EXD1: variants seen among roughly 807,000 people sequenced by gnomAD.
EXD1 encodes the protein piRNA biogenesis protein EXD1.
EXD1 carries 63 observed loss-of-function variants against 49.1 expected under a neutral mutation model. The ratio of observed to expected loss-of-function variants is 1.28; its 90% CI spans 1.05 to 1.58. The LOEUF is 1.58. Among genes scored for constraint, EXD1 ranks in the 40% most tolerant of loss-of-function variants. EXD1 has a pLI of 0.00. For missense variants in EXD1, 748 were observed against 666.0 expected, an observed-to-expected ratio of 1.12 and a Z score of -1.36; for synonymous variants, 234 against 239.2, an observed-to-expected ratio of 0.98 and a Z score of 0.20.
intron 7 of EXD1, among the ~76,000 whole-genome samples, chr15:41,207,174 G>C (rs1167754356): frequency 6.6e-6 from 1 of 151,656 alleles, no homozygotes; most frequent in African/African-American, 2.4e-5. Context: ...CTAGGAGGCA[G>C]AGGTTGCAGT....
chr15:41,204,651 A>G (rs908553147), intron 7 of EXD1, among the ~76,000 whole-genome samples: 36 of 152,078 alleles, frequency 2.4e-4, no homozygotes, highest in African/African-American at 8.7e-4. Flanking sequence ...GGATCTCTTG[A>G]GCCCGGGAGT....
chr15:41,223,095 G>A (rs1453097620), intron 2 of EXD1, among the ~76,000 whole-genome samples: 2 of 150,694 alleles, frequency 1.3e-5, no homozygotes, highest in Admixed American at 6.6e-5. Flanking sequence ...GACTACAGGT[G>A]TGAGCCACCA....
At position 41,216,743 on chromosome 15, in the gene EXD1, C is replaced by T. The variant is rs1417423959; in HGVS notation, c.313G>A (p.Val105Ile). The change falls in exon 5 of 12, where the codon GTA (valine) becomes ATA (isoleucine). Residue 105 changes from valine (V) to isoleucine (I), a missense_variant. By Grantham distance (29) the Val-to-Ile change is conservative (BLOSUM62 3). Coordinates refer to ENST00000458580, the MANE Select transcript of EXD1 (RefSeq NM_001286441.2). ...MEKMKVEDLN[V>I]CEPASPAPEA... ...GGGGCAGGAGAAGCAGGCTCACATA[C>T]ATTTAGGTCTTCAACTTTCATTTTC... 2.2e-5 allele frequency: 36 copies of T among 1,613,798 alleles called. No homozygotes were observed. In the Admixed American group the frequency reaches 5.7e-4, roughly 25 times the overall value.
chr15:41,199,757 T>TATATTATATATC lies in EXD1; in HGVS notation c.535-3721_535-3720insGATATATAATAT, dbSNP rs770690755. On this transcript the variant is annotated intron_variant, in intron 7 of 11. Coordinates refer to ENST00000458580, the MANE Select transcript of EXD1 (RefSeq NM_001286441.2). ...TATATATGTCATATATTATATATGA[T>TATATTATATATC]ACATATATGATATATATGTCATATA... Among the ~76,000 whole-genome samples the TATATTATATATC allele has an allele frequency of 5.5e-4, 48 of 87,254 alleles. 2 individuals carry two copies. The highest frequency in any genetic ancestry group is 1.9e-3 in the African/African-American group (44 of 23,160). The allele number at this position is 87,254 out of a possible 152,430, so 57.2% of individuals were successfully genotyped here. A position where few individuals can be genotyped will look rare whatever the true frequency, so the allele number is the denominator to read the frequency against.
chr15:41,211,783 G>C (rs1385926759), intron 6 of EXD1, among the ~76,000 whole-genome samples: 2 of 119,802 alleles, frequency 1.7e-5, no homozygotes. Context: ...AACACAACAA[G>C]ACCTCATTTC....
intron 6 of EXD1, among the ~76,000 whole-genome samples, chr15:41,214,841 G>T (rs1315485033): frequency 6.6e-6 from 1 of 151,934 alleles, no homozygotes; most frequent in Non-Finnish European, 1.5e-5. Flanking sequence ...CGCCTCCCGA[G>T]TTCACACCAT....
At chr15:41,193,886 C>T (rs1259349214) in intron 9 of EXD1, among the ~76,000 whole-genome samples, 1 of 151,638 alleles carries the variant, frequency 6.6e-6, no homozygotes, top group Non-Finnish European at 1.5e-5. Flanking sequence ...TTCATAACCA[C>T]AGGAACCTGT....
At chr15:41,223,960 C>A (rs2047126358) in intron 2 of EXD1, among the ~76,000 whole-genome samples, 1 of 152,080 alleles carries the variant, frequency 6.6e-6, no homozygotes, top group South Asian at 2.1e-4. Context: ...TGGCCTCAAG[C>A]AATACTGCCT....
intron 11 of EXD1, among the ~76,000 whole-genome samples, chr15:41,186,245 G>A (rs2046405954): frequency 6.6e-6 from 1 of 152,060 alleles, no homozygotes; most frequent in African/African-American, 2.4e-5. Flanking sequence ...GCTGAGGTGG[G>A]TGGATCACTT....
chr15:41,207,758 C>G (rs1382915952), intron 7 of EXD1, among the ~76,000 whole-genome samples: 1 of 151,970 alleles, frequency 6.6e-6, no homozygotes, highest in Non-Finnish European at 1.5e-5. Flanking sequence ...TAGTCCAGAT[C>G]CCAGCACTTT....
chr15:41,203,426 G>C (rs568556313), intron 7 of EXD1, among the ~76,000 whole-genome samples: 1 of 152,130 alleles, frequency 6.6e-6, no homozygotes, highest in African/African-American at 2.4e-5. Context: ...TCTTCCCTTT[G>C]TTGAGACTCA....
chr15:41,229,784 C>CAACAACA (rs1555418647), intron 1 of EXD1, among the ~76,000 whole-genome samples: 2 of 152,006 alleles, frequency 1.3e-5, no homozygotes, highest in African/African-American at 2.4e-5. Flanking sequence ...ACAACAACAA[C>CAACAACA]AACAAACAAA....
intron 3 of EXD1, among the ~76,000 whole-genome samples, chr15:41,217,491 T>C (rs2047017880): frequency 6.6e-6 from 1 of 151,926 alleles, no homozygotes; most frequent in South Asian, 2.1e-4. Context: ...CCAATCCTAA[T>C]GCACCTTCCT....
chr15:41,184,674 A>G (rs1315568935), intron 11 of EXD1, 81 bp from the exon 12 acceptor site: 3 of 1,263,978 alleles, frequency 2.4e-6, no homozygotes, highest in Non-Finnish European at 3.0e-6. Context: ...TTTTTTTTTG[A>G]GATGGAGTCT....
In EXD1 at chr15:41,218,152, C is replaced by CTGGCCAACA. The variant is rs2047029811; in HGVS notation, c.203-1007_203-999dup. On this transcript the variant is annotated intron_variant, in intron 3 of 11. Transcript: ENST00000458580. The stretch of plus-strand genomic sequence containing the variant: ...CTGAGGTCAGGAGTTCGAGACCAGC[C>CTGGCCAACA]TGGCCAACATGGCGAAACCCTGTGT... Among the ~76,000 whole-genome samples, 3 of 152,090 alleles carry CTGGCCAACA rather than the reference C, an allele frequency of 2.0e-5. No individual in the cohort carries two copies. The South Asian group carries it at 6.2e-4, about 32-fold the overall frequency.
intron 1 of EXD1, among the ~76,000 whole-genome samples, chr15:41,227,493 A>T (rs2140911306): frequency 6.6e-6 from 1 of 152,154 alleles, no homozygotes; most frequent in South Asian, 2.1e-4. Flanking sequence ...AACATGGAGA[A>T]ACCCTGTCTT....
chr15:41,184,927 A>G (rs1451616229), intron 11 of EXD1, among the ~76,000 whole-genome samples: 1 of 152,178 alleles, frequency 6.6e-6, no homozygotes, highest in Non-Finnish European at 1.5e-5. Flanking sequence ...AAGTGCTGGG[A>G]TTACAGTCGT....
At chr15:41,186,891 TTTC>T (rs1291758853) in intron 11 of EXD1, among the ~76,000 whole-genome samples, 7 of 145,528 alleles carry the variant, frequency 4.8e-5, no homozygotes, top group Non-Finnish European at 8.9e-5. Context: ...TCTTTTTTTT[TTTC>T]TTTTTTTTTT....
chr15:41,187,649 A>T (rs1462304636), intron 11 of EXD1, among the ~76,000 whole-genome samples: 1 of 152,148 alleles, frequency 6.6e-6, no homozygotes, highest in East Asian at 1.9e-4. Context: ...ATTTTGTCAC[A>T]CTGAACCATG....
Sources: gnomAD v4.1 joint callset for allele counts (sites outside exome capture counted in the v4.1 genomes callset) on GRCh38, gnomAD v4.1.1 for gene constraint, MANE v1.5 for transcripts, NCBI Gene and HGNC (gene_info 2026-07-23, HGNC 2026-07-21) for gene names.